SAMD3: variants seen among roughly 807,000 people sequenced by gnomAD.
SAMD3 encodes the protein sterile alpha motif domain-containing protein 3.
A neutral mutation model predicts 58.5 loss-of-function variants in SAMD3; 63 were observed. The observed-to-expected ratio is 1.08, with a 90% CI of 0.88 to 1.33. The LOEUF is 1.33. SAMD3 is among the 40% of genes most tolerant of loss of function. SAMD3 has a pLI of 0.00. For synonymous variants in SAMD3, 220 were observed against 210.3 expected (o/e 1.05, Z -0.40); for missense variants, 604 against 608.4 (o/e 0.99, Z 0.08).
downstream of SAMD3, chr6:130,143,032 T>G (rs1309177006): frequency 2.0e-5 from 3 of 152,196 alleles, no homozygotes; most frequent in Admixed American, 2.0e-4. Context: ...TTGATGTAAG[T>G]AGTTAATTAA....
chr6:130,340,235 G>A (rs567872040), intron 1 of SAMD3, among the ~76,000 whole-genome samples: 1 of 152,108 alleles, frequency 6.6e-6, no homozygotes, highest in African/African-American at 2.4e-5. Context: ...AGTCTTACTG[G>A]GCTAAAATCA....
Position 130,144,822 on chromosome 6 carries a change from G to A in SAMD3, c.1279-18C>T. The A allele has an allele frequency of 6.3e-7, 1 of 1,598,260 alleles. No homozygotes were observed. Among genetic ancestry groups the A allele is most frequent in the Non-Finnish European group, 8.5e-7 (1 of 1,173,016 alleles). ...ACTTGCACCTGAAAAAAAGAGTGGA[G>A]TCATTACCATGATACGTAAAATAGC... On this transcript the variant is annotated intron_variant, in intron 11 of 11. Coordinates refer to ENST00000439090, the MANE Select transcript of SAMD3 (RefSeq NM_001017373.4).
At chr6:130,237,348 T>C (rs1282163514) in intron 2 of SAMD3, among the ~76,000 whole-genome samples, 1 of 152,212 alleles carries the variant, frequency 6.6e-6, no homozygotes, top group African/African-American at 2.4e-5. Flanking sequence ...CATAATCCCC[T>C]GTATATAATT....
chr6:130,207,927 C>T (rs1037814765), intron 5 of SAMD3, among the ~76,000 whole-genome samples: 1 of 152,234 alleles, frequency 6.6e-6, no homozygotes, highest in Non-Finnish European at 1.5e-5. Context: ...GGCTGCTCTT[C>T]TCTGCACTCA....
chr6:130,169,436 G>A (rs1212988044), intron 8 of SAMD3, among the ~76,000 whole-genome samples: 3 of 152,244 alleles, frequency 2.0e-5, no homozygotes, highest in Non-Finnish European at 2.9e-5. Context: ...ATTTGTAAGG[G>A]GGAAAAAAGT....
chr6:130,335,763 C>A (rs1363432148), intron 1 of SAMD3, among the ~76,000 whole-genome samples: 7 of 152,054 alleles, frequency 4.6e-5, no homozygotes, highest in Non-Finnish European at 8.8e-5. Flanking sequence ...TGGAACCAAC[C>A]CAAATGTCCC....
intron 4 of SAMD3, among the ~76,000 whole-genome samples, chr6:130,213,807 T>C (rs1030396709): frequency 6.6e-6 from 1 of 152,196 alleles, no homozygotes; most frequent in Non-Finnish European, 1.5e-5. Flanking sequence ...TGTTTCATAG[T>C]GTTCATTACT....
intron 2 of SAMD3, among the ~76,000 whole-genome samples, chr6:130,230,132 G>A (rs1796501184): frequency 6.6e-6 from 1 of 152,150 alleles, no homozygotes; most frequent in Non-Finnish European, 1.5e-5. Flanking sequence ...TATTTGCATA[G>A]AGTGCCGTTA....
chr6:130,349,634 C>A (rs1202927318), intron 1 of SAMD3, among the ~76,000 whole-genome samples: 1 of 152,154 alleles, frequency 6.6e-6, no homozygotes, highest in Non-Finnish European at 1.5e-5. Context: ...CAAATTCTAC[C>A]AGAGGTACAA....
intron 1 of SAMD3, among the ~76,000 whole-genome samples, chr6:130,346,520 G>C (rs1408527629): frequency 6.6e-6 from 1 of 152,210 alleles, no homozygotes; most frequent in East Asian, 1.9e-4. Context: ...AGTGAGGATG[G>C]GGGAGGGGCT....
chr6:130,241,394 T>C (rs1327419772), intron 2 of SAMD3, among the ~76,000 whole-genome samples: 3 of 151,946 alleles, frequency 2.0e-5, no homozygotes, highest in Non-Finnish European at 4.4e-5. Flanking sequence ...TTTTGTATTT[T>C]TGGTAGAGAC....
chr6:130,273,201 A>G (rs886354444), intron 2 of SAMD3, among the ~76,000 whole-genome samples: 1 of 152,042 alleles, frequency 6.6e-6, no homozygotes, highest in African/African-American at 2.4e-5. Flanking sequence ...TGGTAGGTGC[A>G]CACATATTTA....
Position 130,144,632 on chromosome 6 carries a change from A to C in SAMD3, c.1451T>G (p.Leu484Arg), listed in dbSNP as rs771515559. Residue 484 changes from leucine (L) to arginine (R), a missense_variant, in exon 12 of 12, where the codon CTG becomes CGG. Coordinates refer to ENST00000439090, the MANE Select transcript of SAMD3 (RefSeq NM_001017373.4). ...TTCTAGGAAGTTGAAAGTTTGGGAC[A>C]GTCTTCTTGGACACTCAATCCTAAA... ...HVFRIECPRR[L>R]SQTFNFLETL... The C allele has an allele frequency of 6.2e-7, 1 of 1,614,168 alleles. No individual in the cohort carries two copies. The highest frequency in any genetic ancestry group is 2.2e-5 in the East Asian group (1 of 44,864).
intron 1 of SAMD3, among the ~76,000 whole-genome samples, chr6:130,343,237 T>A (rs777867257): frequency 2.6e-5 from 4 of 151,902 alleles, no homozygotes; most frequent in Non-Finnish European, 5.9e-5. Context: ...GTCCCCTGAG[T>A]CAACTCCAAG....
intron 2 of SAMD3, among the ~76,000 whole-genome samples, chr6:130,293,502 C>G (rs1356876025): frequency 6.6e-6 from 1 of 151,894 alleles, no homozygotes; most frequent in South Asian, 2.1e-4. Flanking sequence ...CTCTCTTACA[C>G]AGATTACCAC....
At chr6:130,271,013 T>G (rs1774541867) in intron 2 of SAMD3, among the ~76,000 whole-genome samples, 2 of 152,218 alleles carry the variant, frequency 1.3e-5, no homozygotes, top group South Asian at 4.1e-4. Flanking sequence ...TTTTGTTTTT[T>G]TTTCCTTAGG....
intron 1 of SAMD3, among the ~76,000 whole-genome samples, chr6:130,328,180 A>G (rs1486682076): frequency 2.0e-5 from 3 of 152,090 alleles, no homozygotes; most frequent in African/African-American, 7.2e-5. Flanking sequence ...TACCCTTTCC[A>G]CAGTTGCTCC....
intron 2 of SAMD3, among the ~76,000 whole-genome samples, chr6:130,290,621 C>T (rs1775332788): frequency 6.6e-6 from 1 of 152,166 alleles, no homozygotes; most frequent in Non-Finnish European, 1.5e-5. Flanking sequence ...TTTAGGTTGC[C>T]TGAATTTAAT....
Position 130,144,643 on chromosome 6 carries a change from A to ACACT in SAMD3, c.1436_1439dup (p.Cys480Ter). The stretch of plus-strand genomic sequence containing the variant: ...TGAAAGTTTGGGACAGTCTTCTTGG[A>ACACT]CACTCAATCCTAAATACATGAAAGG... On this transcript the variant is annotated stop_gained and frameshift_variant, in exon 12 of 12. Transcript: ENST00000439090. LOFTEE classifies it high-confidence loss of function. 3.1e-6 allele frequency: 5 copies of ACACT among 1,614,170 alleles called. No homozygotes were observed. Among genetic ancestry groups the ACACT allele is most frequent in the South Asian group, 1.1e-5 (1 of 91,084 alleles).
Sources: gnomAD v4.1 joint callset for allele counts (sites outside exome capture counted in the v4.1 genomes callset) on GRCh38, gnomAD v4.1.1 for gene constraint, MANE v1.5 for transcripts, NCBI Gene and HGNC (gene_info 2026-07-23, HGNC 2026-07-21) for gene names.